The following NTM variants were observed in gnomAD, a reference collection of about 807,000 sequenced individuals.
The protein encoded by NTM is neurotrimin, also known as IgLON family member 2.
NTM carries 13 observed loss-of-function variants against 42.1 expected under a neutral mutation model. The observed-to-expected ratio is 0.31, with a 90% CI of 0.20 to 0.49. The LOEUF is 0.49. NTM is among the 20% of genes least tolerant of loss of function. NTM has a pLI of 0.99. For synonymous variants in NTM, 187 were observed against 179.2 expected, an observed-to-expected ratio of 1.04 and a Z score of -0.35; for missense variants, 373 against 452.8, an observed-to-expected ratio of 0.82 and a Z score of 1.60.
At chr11:132,065,649 C>T (rs185936237) in intron 2 of NTM, among the ~76,000 whole-genome samples, 1,718 of 152,260 alleles carry the variant, frequency 0.011, 20 homozygotes, top group Non-Finnish European at 0.017. Context: ...TGGAACCTAA[C>T]TTTTCTAGCC....
At chr11:131,488,022 C>T (rs1360180913) in intron 1 of NTM, among the ~76,000 whole-genome samples, 1 of 152,156 alleles carries the variant, frequency 6.6e-6, no homozygotes, top group African/African-American at 2.4e-5. Flanking sequence ...CAACACATAG[C>T]ACCAGTGCCT....
At chr11:131,992,051 G>A (rs2067121002) in intron 2 of NTM, among the ~76,000 whole-genome samples, 1 of 152,142 alleles carries the variant, frequency 6.6e-6, no homozygotes, top group African/African-American at 2.4e-5. Flanking sequence ...TTCTTGAACA[G>A]TATGGGTTTT....
chr11:131,694,043 C>G (rs530980072), intron 1 of NTM, among the ~76,000 whole-genome samples: 2 of 152,222 alleles, frequency 1.3e-5, no homozygotes, highest in African/African-American at 4.8e-5. Flanking sequence ...TCACCCACCT[C>G]TCCCCGACTT....
intron 1 of NTM, among the ~76,000 whole-genome samples, chr11:131,395,966 GGC>G (rs1274613098): frequency 1.3e-5 from 2 of 152,124 alleles, no homozygotes; most frequent in African/African-American, 4.8e-5. Flanking sequence ...AGAAGTTCTT[GGC>G]TTACCCACTA....
At chr11:131,616,013 G>T (rs563591451) in intron 1 of NTM, among the ~76,000 whole-genome samples, 1 of 152,358 alleles carries the variant, frequency 6.6e-6, no homozygotes, top group African/African-American at 2.4e-5. Context: ...CATGTTAGCT[G>T]CTGCTTCACA....
intron 2 of NTM, among the ~76,000 whole-genome samples, chr11:132,134,203 G>A (rs1361775293): frequency 3.3e-5 from 5 of 152,184 alleles, no homozygotes; most frequent in East Asian, 1.9e-4. Context: ...GATTACAGGC[G>A]TGAGCCACCG....
chr11:131,880,785 A>C (rs144002312), intron 1 of NTM, among the ~76,000 whole-genome samples: 1,917 of 151,722 alleles, frequency 0.013, 44 homozygotes, highest in African/African-American at 0.043. Flanking sequence ...TGGAAGGATA[A>C]ATTCCAAATC....
chr11:131,507,233 A>G (rs1444121227), intron 1 of NTM, among the ~76,000 whole-genome samples: 1 of 152,178 alleles, frequency 6.6e-6, no homozygotes, highest in East Asian at 1.9e-4. Flanking sequence ...TGATTTTTGT[A>G]TAAGGTGTAA....
rs1341284676 is a variant in NTM, at chr11:131,409,885, T to A, written c.82+38997T>A. ...CTCCTTTTTTAATCATCTCCTCCTG[T>A]AAAAAGGGCTAATCTTTTGTTAGCA... On this transcript the variant is annotated intron_variant, in intron 1 of 8. Transcript: ENST00000683400. Among the ~76,000 whole-genome samples, 5 of 152,264 alleles carry A rather than the reference T, an allele frequency of 3.3e-5. No individual in the cohort carries two copies. In the East Asian group the frequency reaches 9.7e-4, roughly 29 times the overall value.
At chr11:131,878,799 ATGC>A (rs1401954849) in intron 1 of NTM, among the ~76,000 whole-genome samples, 1 of 151,462 alleles carries the variant, frequency 6.6e-6, no homozygotes, top group African/African-American at 2.4e-5. Context: ...GTGCTGGCTG[ATGC>A]TGCACTCATG....
chr11:132,332,057 T>G (rs1376085335), intron 8 of NTM, among the ~76,000 whole-genome samples: 1 of 152,302 alleles, frequency 6.6e-6, no homozygotes, highest in African/African-American at 2.4e-5. Flanking sequence ...ATGATCGATT[T>G]GGGGTAGAAA....
intron 2 of NTM, among the ~76,000 whole-genome samples, chr11:131,969,096 T>G (rs958605703): frequency 2.0e-5 from 3 of 152,204 alleles, no homozygotes; most frequent in African/African-American, 7.2e-5. Flanking sequence ...TATTTTTCAT[T>G]TGGATGGTAG....
chr11:131,374,925 T>A (rs976164433), intron 1 of NTM, among the ~76,000 whole-genome samples: 2 of 152,234 alleles, frequency 1.3e-5, no homozygotes, highest in African/African-American at 4.8e-5. Flanking sequence ...GTGATTTGGC[T>A]TTTTTCCTAG....
At chr11:131,580,121 G>T (rs921944010) in intron 1 of NTM, among the ~76,000 whole-genome samples, 2 of 152,120 alleles carry the variant, frequency 1.3e-5, no homozygotes, top group Non-Finnish European at 2.9e-5. Context: ...AAAGGAATCC[G>T]AGAGCTCATC....
intron 2 of NTM, among the ~76,000 whole-genome samples, chr11:132,038,587 G>C (rs375034780): frequency 1.3e-5 from 2 of 152,200 alleles, no homozygotes; most frequent in South Asian, 4.1e-4. Flanking sequence ...GCAAGTGTGC[G>C]TGTGTAGCGT....
intron 1 of NTM, among the ~76,000 whole-genome samples, chr11:131,524,869 G>A (rs2136605494): frequency 6.6e-6 from 1 of 152,286 alleles, no homozygotes. Flanking sequence ...TTGGGCCCTT[G>A]GTTTCTCTGA....
intron 4 of NTM, among the ~76,000 whole-genome samples, chr11:132,217,511 G>A (rs1204520021): frequency 1.3e-5 from 2 of 151,892 alleles, no homozygotes. Context: ...GATCAAAAGA[G>A]ATCTTCCCTA....
chr11:131,635,951 G>A (rs571756894), intron 1 of NTM, among the ~76,000 whole-genome samples: 64 of 152,192 alleles, frequency 4.2e-4, no homozygotes, highest in African/African-American at 1.4e-3. Context: ...ATTTAGTACC[G>A]TCACATGCTG....
intron 1 of NTM, among the ~76,000 whole-genome samples, chr11:131,824,867 G>A (rs2041944054): frequency 6.6e-6 from 1 of 152,128 alleles, no homozygotes; most frequent in African/African-American, 2.4e-5. Flanking sequence ...GCTGTAAGAG[G>A]CAGAACTCTA....
Sources: gnomAD v4.1 joint callset for allele counts (sites outside exome capture counted in the v4.1 genomes callset) on GRCh38, gnomAD v4.1.1 for gene constraint, MANE v1.5 for transcripts, NCBI Gene and HGNC (gene_info 2026-07-23, HGNC 2026-07-21) for gene names.